Variants in SGPP2 observed in about 807,000 individuals in gnomAD.
The protein encoded by SGPP2 is sphingosine-1-phosphate phosphatase 2, also known as sphingosine 1-phosphate phosphohydrolase 2.
A neutral mutation model predicts 33.9 loss-of-function variants in SGPP2; 30 were observed. That is an observed-to-expected ratio of 0.89 (90% confidence interval 0.66 to 1.20). The LOEUF (loss-of-function observed/expected upper bound fraction) is 1.20, where lower values mean the gene tolerates loss of function less well. SGPP2 is among the 50% of genes most tolerant of loss of function. The pLI, the probability that SGPP2 is intolerant of heterozygous loss-of-function variation, is 0.00. For synonymous variants in SGPP2, 233 were observed against 225.0 expected (o/e 1.04, Z -0.32); for missense variants, 458 against 532.1 (o/e 0.86, Z 1.37).
At chr2:222,434,969 G>GATAT (rs148792824) in intron 1 of SGPP2, among the ~76,000 whole-genome samples, 21 of 19,246 alleles carry the variant, frequency 1.1e-3, no homozygotes, top group African/African-American at 3.4e-3. Flanking sequence ...ACAGAATGGA[G>GATAT]ATATATACAC....
chr2:222,457,803 C>G (rs1697594640), intron 1 of SGPP2, among the ~76,000 whole-genome samples: 2 of 152,194 alleles, frequency 1.3e-5, no homozygotes, highest in Admixed American at 6.5e-5. Context: ...TCCTCCACCC[C>G]AGGGAGGGTA....
chr2:222,533,616 T>C (rs1196892350), intron 4 of SGPP2, among the ~76,000 whole-genome samples: 1 of 152,190 alleles, frequency 6.6e-6, no homozygotes, highest in Non-Finnish European at 1.5e-5. Context: ...TTGATGTTTA[T>C]AACCATAGTA....
chr2:222,447,152 T>C (rs2106072056), intron 1 of SGPP2, among the ~76,000 whole-genome samples: 1 of 152,314 alleles, frequency 6.6e-6, no homozygotes, highest in Admixed American at 6.5e-5. Context: ...GCTTCTGACA[T>C]CAGAACCATG....
chr2:222,445,420 TC>T (rs1697384406), intron 1 of SGPP2, among the ~76,000 whole-genome samples: 2 of 152,186 alleles, frequency 1.3e-5, no homozygotes, highest in Non-Finnish European at 2.9e-5. Flanking sequence ...GCTCCCTCAG[TC>T]CCCAGGGCTC....
rs540486789 is a variant in SGPP2, at chr2:222,509,623, T to G, written c.379-12144T>G. ...AAAAGACTATTAATAGTTCTAATAG[T>G]TTGCTTCTTCTTCTATTCTGAAATC... On this transcript the variant is annotated intron_variant, in intron 2 of 4. Transcript: ENST00000321276. Among the ~76,000 whole-genome samples the G allele has an allele frequency of 9.2e-5, 14 of 152,320 alleles. No individual in the cohort carries two copies. The East Asian group carries it at 2.3e-3, about 25-fold the overall frequency.
In SGPP2 at chr2:222,560,268, T is replaced by C. The variant is rs1325415643; in HGVS notation, c.*1370T>C. 2.0e-5 allele frequency: 3 copies of C among 152,240 alleles called. No individual in the cohort carries two copies. Among genetic ancestry groups the C allele is most frequent in the African/African-American group, 7.2e-5 (3 of 41,466 alleles). The allele number at this position is 152,240 out of a possible 1,614,324, so 9.4% of individuals were successfully genotyped here. On this transcript the variant is annotated 3_prime_UTR_variant, in exon 5 of 5. Coordinates refer to ENST00000321276, the MANE Select transcript of SGPP2 (RefSeq NM_152386.4). ...TGACATTGCCTGTCCTGACAAGGCC[T>C]CCCTGACATTACTCCTCCAATTTCA...
At chr2:222,453,101 G>A in intron 1 of SGPP2, 2 of 856,918 alleles carry the variant, frequency 2.3e-6, no homozygotes, top group Non-Finnish European at 3.8e-6. Flanking sequence ...GGACTGGTAG[G>A]AGAATCAGGA....
chr2:222,517,894 G>T (rs891176917), intron 2 of SGPP2, among the ~76,000 whole-genome samples: 3 of 152,202 alleles, frequency 2.0e-5, no homozygotes, highest in Non-Finnish European at 4.4e-5. Flanking sequence ...AGGTTCTCTG[G>T]CCATCCAGGT....
intron 4 of SGPP2, among the ~76,000 whole-genome samples, chr2:222,531,967 G>A (rs1008876696): frequency 1.3e-5 from 2 of 152,150 alleles, no homozygotes; most frequent in African/African-American, 4.8e-5. Context: ...GTGGCTGCCT[G>A]CTTGATACAA....
intron 2 of SGPP2, among the ~76,000 whole-genome samples, chr2:222,499,236 T>G (rs1698329119): frequency 6.6e-6 from 1 of 152,214 alleles, no homozygotes; most frequent in South Asian, 2.1e-4. Context: ...CAGCCAAGAC[T>G]TTCTCATTAA....
intron 1 of SGPP2, among the ~76,000 whole-genome samples, chr2:222,439,342 A>G (rs2106064955): frequency 6.6e-6 from 1 of 152,226 alleles, no homozygotes; most frequent in Admixed American, 6.5e-5. Context: ...AAGTCTGGAA[A>G]TTGATTAAGA....
chr2:222,506,537 C>T (rs1054752022), intron 2 of SGPP2, among the ~76,000 whole-genome samples: 1 of 152,076 alleles, frequency 6.6e-6, no homozygotes, highest in Non-Finnish European at 1.5e-5. Context: ...TTCTTAATAA[C>T]TTTTTTAGCT....
intron 4 of SGPP2, among the ~76,000 whole-genome samples, chr2:222,546,876 A>G (rs941749211): frequency 4.0e-5 from 6 of 148,566 alleles, no homozygotes; most frequent in African/African-American, 1.5e-4. Context: ...TGTCCCCTTT[A>G]GCATGAAGAG....
chr2:222,486,552 C>T (rs1039283256), intron 2 of SGPP2, among the ~76,000 whole-genome samples: 3 of 152,200 alleles, frequency 2.0e-5, no homozygotes, highest in Admixed American at 2.0e-4. Flanking sequence ...TATTTGCCAA[C>T]TTTCAAGATA....
intron 4 of SGPP2, among the ~76,000 whole-genome samples, chr2:222,525,691 C>T (rs1020683931): frequency 1.3e-5 from 2 of 152,204 alleles, no homozygotes; most frequent in Non-Finnish European, 2.9e-5. Context: ...TGGCCATGGT[C>T]GACCACAGGG....
At chr2:222,433,447 G>C (rs1055719186) in intron 1 of SGPP2, among the ~76,000 whole-genome samples, 6 of 152,184 alleles carry the variant, frequency 3.9e-5, no homozygotes, top group Non-Finnish European at 7.3e-5. Flanking sequence ...GCGAATGGTG[G>C]CTGGTGAGGA....
chr2:222,552,902 C>T (rs1478162286), intron 4 of SGPP2, among the ~76,000 whole-genome samples: 1 of 152,104 alleles, frequency 6.6e-6, no homozygotes, highest in Non-Finnish European at 1.5e-5. Context: ...CCAACCACCA[C>T]CTGTTCCCCA....
Position 222,550,859 on chromosome 2 carries a change from C to T in SGPP2, c.649-7488C>T, listed in dbSNP as rs905984886. On this transcript the variant is annotated intron_variant, in intron 4 of 4. Transcript: ENST00000321276. The surrounding 1 kb of genome is among the most constrained non-coding windows in gnomAD (Gnocchi z 4.5). Reference sequence around the variant, plus strand: ...CTGAAATAACCCAACAAGAACCAAACAGGAATCATCCCTGTATGTAAACTT... The same window carrying T: ...CTGAAATAACCCAACAAGAACCAAATAGGAATCATCCCTGTATGTAAACTT... Among the ~76,000 whole-genome samples, 1 of 151,236 alleles carries T rather than the reference C, an allele frequency of 6.6e-6. No homozygotes were observed. The highest frequency in any genetic ancestry group is 1.5e-5 in the Non-Finnish European group (1 of 68,016).
At chr2:222,530,002 G>C (rs948167817) in intron 4 of SGPP2, among the ~76,000 whole-genome samples, 2 of 152,178 alleles carry the variant, frequency 1.3e-5, no homozygotes, top group Admixed American at 1.3e-4. Context: ...TGTACATCTT[G>C]TACATCTCCA....
Sources: gnomAD v4.1 joint callset for allele counts (sites outside exome capture counted in the v4.1 genomes callset) on GRCh38, gnomAD v4.1.1 for gene constraint, Gnocchi (gnomAD v3.1) non-coding constraint, MANE v1.5 for transcripts, NCBI Gene and HGNC (gene_info 2026-07-23, HGNC 2026-07-21) for gene names.